Variants in TAS2R1 observed in about 807,000 individuals in gnomAD.
TAS2R1 encodes the protein taste receptor type 2 member 1.
For synonymous variants in TAS2R1, 141 were observed against 134.2 expected (o/e 1.05, Z -0.35); for missense variants, 370 against 353.4 (o/e 1.05, Z -0.38).
In TAS2R1 at chr5:9,662,527, CA is replaced by C. The variant is rs1304711055; in HGVS notation, c.-241-2947del. 2.0e-5 allele frequency among the ~76,000 whole-genome samples: 3 copies of C among 152,246 alleles called. No homozygotes were observed. In the East Asian group the frequency reaches 5.8e-4, roughly 29 times the overall value. On this transcript the variant is annotated intron_variant, in intron 1 of 2. Coordinates refer to the TAS2R1 transcript ENST00000506620. ...GCCAACTCTAAGTAAGTCATATGGC[CA>C]CATCTAACTCCAGCGGAGTTGGAGG...
the TAS2R1 span, among the ~76,000 whole-genome samples, chr5:9,872,130 A>G: frequency 6.6e-6 from 1 of 152,226 alleles, no homozygotes; most frequent in Non-Finnish European, 1.5e-5. Context: ...CAGGCTTATA[A>G]ACTTTTGCTT....
At chr5:9,743,232 T>G in the TAS2R1 span, among the ~76,000 whole-genome samples, 1 of 152,284 alleles carries the variant, frequency 6.6e-6, no homozygotes, top group African/African-American at 2.4e-5. Flanking sequence ...CTCTTCTGCC[T>G]CCCAGGCTTC....
At chr5:9,839,323 T>C in the TAS2R1 span, among the ~76,000 whole-genome samples, 1 of 152,140 alleles carries the variant, frequency 6.6e-6, no homozygotes, top group Non-Finnish European at 1.5e-5. Context: ...GAAAAGCAAG[T>C]GGTAAGAATT....
intron 1 of TAS2R1, among the ~76,000 whole-genome samples, chr5:9,707,704 A>G (rs148749490): frequency 6.6e-6 from 1 of 151,606 alleles, no homozygotes; most frequent in East Asian, 2.0e-4. Flanking sequence ...AACAACACAA[A>G]ACAAAAAGGC....
At position 9,707,512 on chromosome 5, in the gene TAS2R1, G is replaced by C. The variant is rs111899989; in HGVS notation, c.-242+4660C>G. ...AGCCTGGCCAACATGGGGAAACCCCGTCTCTAGTGAAATTACAAAAATTAG... is the reference window on the plus strand; with the variant it reads ...AGCCTGGCCAACATGGGGAAACCCCCTCTCTAGTGAAATTACAAAAATTAG... On this transcript the variant is annotated intron_variant, in intron 1 of 2. Transcript: ENST00000506620. Among the ~76,000 whole-genome samples the C allele has an allele frequency of 6.1e-3, 924 of 152,256 alleles. 5 individuals carry two copies. Among genetic ancestry groups the C allele is most frequent in the Non-Finnish European group, 9.1e-3 (616 of 68,026 alleles).
chr5:9,679,270 C>T (rs570709660), intron 1 of TAS2R1, among the ~76,000 whole-genome samples: 3 of 152,134 alleles, frequency 2.0e-5, no homozygotes, highest in South Asian at 2.1e-4. Context: ...TAAATAATAC[C>T]GTGATGGCAA....
chr5:9,796,232 A>G, the TAS2R1 span, among the ~76,000 whole-genome samples: 1 of 152,232 alleles, frequency 6.6e-6, no homozygotes, highest in African/African-American at 2.4e-5. Context: ...AGACACAAAA[A>G]TGCTTGCTAA....
chr5:9,806,373 T>C, the TAS2R1 span, among the ~76,000 whole-genome samples: 1 of 152,086 alleles, frequency 6.6e-6, no homozygotes, highest in Non-Finnish European at 1.5e-5. Flanking sequence ...ATCACCATCA[T>C]TCTTCACAGA....
At position 9,679,314 on chromosome 5, in the gene TAS2R1, A is replaced by C. The variant is rs58917013; in HGVS notation, c.-241-19733T>G. Among the ~76,000 whole-genome samples, 1,511 of 152,354 alleles carry C rather than the reference A, an allele frequency of 9.9e-3. 21 individuals are homozygous for C. Among genetic ancestry groups the C allele is most frequent in the African/African-American group, 0.035 (1,439 of 41,588 alleles). ...CATTACGCATTTCTAAAGCCCGTAGAATTTTATAGCGCAAAGAACGAACCT... is the reference window on the plus strand; with the variant it reads ...CATTACGCATTTCTAAAGCCCGTAGCATTTTATAGCGCAAAGAACGAACCT... On this transcript the variant is annotated intron_variant, in intron 1 of 2. Transcript: ENST00000506620.
In TAS2R1 at chr5:9,698,409, T is replaced by A. The variant is rs184019885; in HGVS notation, c.-242+13763A>T. On this transcript the variant is annotated intron_variant, in intron 1 of 2. Coordinates refer to the TAS2R1 transcript ENST00000506620. ...GTATCATAAAATAACTCGCGTGACA[T>A]TCTCAAATGTTGTCAACATGATGTC... Among the ~76,000 whole-genome samples the A allele has an allele frequency of 5.1e-4, 78 of 152,324 alleles. No individual in the cohort carries two copies. The East Asian group carries it at 0.014, about 27-fold the overall frequency.
intron 1 of TAS2R1, among the ~76,000 whole-genome samples, chr5:9,691,101 G>A (rs1326494241): frequency 1.3e-5 from 2 of 152,196 alleles, no homozygotes; most frequent in Non-Finnish European, 2.9e-5. Context: ...TTTACTTGCA[G>A]ATGTAATTAA....
intron 2 of TAS2R1, among the ~76,000 whole-genome samples, chr5:9,650,650 C>T (rs996004249): frequency 6.6e-6 from 1 of 152,086 alleles, no homozygotes; most frequent in Admixed American, 6.5e-5. Context: ...CATGACCTCT[C>T]CTAATTCATC....
the TAS2R1 span, among the ~76,000 whole-genome samples, chr5:9,856,008 T>C: frequency 6.6e-6 from 1 of 152,152 alleles, no homozygotes; most frequent in South Asian, 2.1e-4. Context: ...GAAGAAAAGA[T>C]TATGCCTTTG....
chr5:9,686,861 A>G (rs542263572), intron 1 of TAS2R1, among the ~76,000 whole-genome samples: 10 of 152,340 alleles, frequency 6.6e-5, no homozygotes, highest in African/African-American at 2.4e-4. Flanking sequence ...TTATTTGAAA[A>G]TATTTATCAT....
At chr5:9,658,446 T>C (rs1740459969) in intron 2 of TAS2R1, 1 of 152,184 alleles carries the variant, frequency 6.6e-6, no homozygotes. Context: ...TCAAAGCTGT[T>C]TCCTGGACTC....
the TAS2R1 span, among the ~76,000 whole-genome samples, chr5:9,750,538 G>A: frequency 3.9e-5 from 6 of 152,172 alleles, no homozygotes; most frequent in African/African-American, 1.4e-4. Context: ...AGAGAAAGGA[G>A]AACCAGATAT....
the TAS2R1 span, among the ~76,000 whole-genome samples, chr5:9,802,038 C>A: frequency 6.6e-6 from 1 of 152,188 alleles, no homozygotes; most frequent in Non-Finnish European, 1.5e-5. Context: ...ACCAGGCATC[C>A]CTAGGGCAAG....
At chr5:9,684,516 A>G (rs1029774329) in intron 1 of TAS2R1, among the ~76,000 whole-genome samples, 5 of 152,162 alleles carry the variant, frequency 3.3e-5, no homozygotes, top group Admixed American at 2.6e-4. Context: ...AGCTTACTGT[A>G]TATTTTCTCC....
At chr5:9,670,020 TA>T (rs2126501998) in intron 1 of TAS2R1, among the ~76,000 whole-genome samples, 1 of 152,010 alleles carries the variant, frequency 6.6e-6, no homozygotes, top group African/African-American at 2.4e-5. Flanking sequence ...AGAATAATTT[TA>T]AAAGAGAGAA....
Sources: allele counts gnomAD v4.1 joint callset (sites outside exome capture counted in the v4.1 genomes callset), GRCh38; gene constraint gnomAD v4.1.1; transcripts MANE v1.5; gene names NCBI Gene and HGNC (gene_info 2026-07-23, HGNC 2026-07-21).